KDM6A: variants seen among roughly 807,000 people sequenced by gnomAD.
KDM6A encodes the protein lysine-specific demethylase 6A.
KDM6A carries 11 observed loss-of-function variants against 117.6 expected under a neutral mutation model. The observed-to-expected ratio is 0.09, with a 90% confidence interval of 0.06 to 0.15. The LOEUF (loss-of-function observed/expected upper bound fraction) is 0.15, where lower values mean the gene tolerates loss of function less well. Among genes scored for constraint, KDM6A ranks in the 10% least tolerant of loss-of-function variants. The pLI, the probability that KDM6A is intolerant of heterozygous loss-of-function variation, is 1.00. For synonymous variants in KDM6A, 384 were observed against 396.1 expected (o/e 0.97, Z 0.36); for missense variants, 799 against 1,077.3 (o/e 0.74, Z 3.62).
At chrX:45,015,140 C>T (rs371535437) in intron 5 of KDM6A, among the ~76,000 whole-genome samples, 1 of 109,117 alleles carries the variant, frequency 9.2e-6, no homozygotes, top group African/African-American at 3.4e-5. Context: ...CTCAGTCTGT[C>T]ACCCAGGCTG....
intron 2 of KDM6A, among the ~76,000 whole-genome samples, chrX:44,919,371 G>C (rs2035759319): frequency 9.0e-6 from 1 of 110,773 alleles, no homozygotes; most frequent in South Asian, 3.8e-4. Context: ...AGGTGTATTA[G>C]ATGCTCCTCT....
intron 14 of KDM6A, 144 bp downstream of exon 14, chrX:45,060,908 C>T (rs1165750285): frequency 3.2e-6 from 1 of 316,760 alleles, no homozygotes; most frequent in Non-Finnish European, 5.3e-6. Flanking sequence ...CCATCCCAAA[C>T]CCTTAGTATC....
chrX:45,040,407 C>T (rs2043043215), intron 8 of KDM6A, among the ~76,000 whole-genome samples: 1 of 91,394 alleles, frequency 1.1e-5, no homozygotes, highest in Non-Finnish European at 2.2e-5. Flanking sequence ...GCTGATCCCC[C>T]CACCTCCCTC....
intron 2 of KDM6A, among the ~76,000 whole-genome samples, chrX:44,891,073 C>T (rs1468840893): frequency 9.2e-6 from 1 of 108,919 alleles, no homozygotes; most frequent in Non-Finnish European, 1.9e-5. Flanking sequence ...TTTATATTTT[C>T]TAGAGTGTAG....
rs1262196274 is a variant in KDM6A, at chrX:45,112,260, ATTG to A, written c.*852_*854del. On this transcript the variant is annotated 3_prime_UTR_variant, in exon 30 of 30. Coordinates refer to ENST00000611820, the MANE Select transcript of KDM6A (RefSeq NM_001291415.2). The stretch of plus-strand genomic sequence containing the variant: ...TTGTTTAATGTTTAAAGAGTTTTCT[ATTG>A]TTTGAGTTTTAAAAAAGACTTTATG... 1 of 144,099 alleles carries A rather than the reference ATTG, an allele frequency of 6.9e-6. No homozygotes were observed. Among genetic ancestry groups the A allele is most frequent in the African/African-American group, 3.1e-5 (1 of 31,975 alleles). 11.9% of individuals were successfully genotyped at this position (144,099 alleles called of 1,213,427 possible). A position where few individuals can be genotyped will look rare whatever the true frequency, so the allele number is the denominator to read the frequency against.
At chrX:44,921,453 G>A (rs770037185) in intron 2 of KDM6A, among the ~76,000 whole-genome samples, 1 of 111,483 alleles carries the variant, frequency 9.0e-6, no homozygotes, top group East Asian at 2.8e-4. Context: ...CTACAGTCAA[G>A]ATATTTAGCT....
intron 2 of KDM6A, among the ~76,000 whole-genome samples, chrX:44,887,881 G>A (rs896031387): frequency 9.0e-6 from 1 of 111,415 alleles, no homozygotes; most frequent in Non-Finnish European, 1.9e-5. Context: ...GGTGGCATTC[G>A]TTTGTAGTTC....
intron 27 of KDM6A, among the ~76,000 whole-genome samples, chrX:45,105,668 T>G (rs2046502046): frequency 8.9e-6 from 1 of 112,108 alleles, no homozygotes; most frequent in African/African-American, 3.2e-5. Flanking sequence ...CTTGCTACCT[T>G]CCCTGGTGCC....
intron 3 of KDM6A, among the ~76,000 whole-genome samples, chrX:44,971,249 G>A (rs1012544999): frequency 1.8e-5 from 2 of 111,855 alleles, no homozygotes; most frequent in African/African-American, 6.5e-5. Flanking sequence ...GGAAATGGGA[G>A]ATGGCTTAAA....
At chrX:45,086,682 G>A (rs1177124368) in intron 25 of KDM6A, among the ~76,000 whole-genome samples, 1 of 111,473 alleles carries the variant, frequency 9.0e-6, no homozygotes, top group African/African-American at 3.3e-5. Flanking sequence ...TCTGTGTCTT[G>A]TGTTAAAAAG....
chrX:45,051,811 T>G lies in KDM6A; in HGVS notation c.748+9T>G. ...TGTCTTACAACAGTTAGGTATGTAATAGTATACATTTAGTGTATTATAAGT... is the reference window on the plus strand; with the variant it reads ...TGTCTTACAACAGTTAGGTATGTAAGAGTATACATTTAGTGTATTATAAGT... On this transcript the variant is annotated intron_variant, in intron 9 of 29. Coordinates refer to ENST00000611820, the MANE Select transcript of KDM6A (RefSeq NM_001291415.2). 1 of 997,259 alleles carries G rather than the reference T, an allele frequency of 1.0e-6. No individual in the cohort carries two copies. The highest frequency in any genetic ancestry group is 1.4e-6 in the Non-Finnish European group (1 of 704,736). 82.2% of individuals were successfully genotyped at this position (997,259 alleles called of 1,213,427 possible). A position where few individuals can be genotyped will look rare whatever the true frequency, so the allele number is the denominator to read the frequency against.
intron 4 of KDM6A, among the ~76,000 whole-genome samples, chrX:44,986,896 G>C (rs1203242839): frequency 8.9e-6 from 1 of 111,741 alleles, no homozygotes; most frequent in Non-Finnish European, 1.9e-5. Flanking sequence ...TGTTGATTTG[G>C]GGTGGAGAGT....
At chrX:45,010,378 C>A (rs1326277420) in intron 4 of KDM6A, among the ~76,000 whole-genome samples, 4 of 110,402 alleles carry the variant, frequency 3.6e-5, no homozygotes, top group African/African-American at 1.3e-4. Context: ...ATATAAATAG[C>A]TGGATCCTAT....
chrX:45,014,172 G>A (rs750306875), intron 5 of KDM6A, among the ~76,000 whole-genome samples: 12 of 112,136 alleles, frequency 1.1e-4, no homozygotes, highest in African/African-American at 3.6e-4. Flanking sequence ...TTATGATAAT[G>A]TGTGTGACCA....
At chrX:44,918,541 CA>C (rs1397481540) in intron 2 of KDM6A, among the ~76,000 whole-genome samples, 4 of 111,408 alleles carry the variant, frequency 3.6e-5, no homozygotes, top group African/African-American at 1.3e-4. Context: ...AATGCTTTAT[CA>C]GGCATTTCTA....
At chrX:44,995,290 T>G (rs1389611337) in intron 4 of KDM6A, among the ~76,000 whole-genome samples, 1 of 110,662 alleles carries the variant, frequency 9.0e-6, no homozygotes, top group East Asian at 2.8e-4. Flanking sequence ...TTTTTCCTTT[T>G]GCGGCCAGCT....
At chrX:44,878,833 T>C (rs1210930785) in intron 2 of KDM6A, among the ~76,000 whole-genome samples, 2 of 110,696 alleles carry the variant, frequency 1.8e-5, no homozygotes, top group Admixed American at 9.7e-5. Context: ...GTGATTCTTA[T>C]GCCTCAGCCT....
chrX:44,921,389 C>T (rs748974901), intron 2 of KDM6A, among the ~76,000 whole-genome samples: 2 of 111,270 alleles, frequency 1.8e-5, no homozygotes, highest in East Asian at 2.8e-4. Context: ...CTTATTTGTG[C>T]GTGTTTGTAT....
chrX:44,906,698 G>A (rs957785328), intron 2 of KDM6A, among the ~76,000 whole-genome samples: 1 of 108,937 alleles, frequency 9.2e-6, no homozygotes, highest in Non-Finnish European at 1.9e-5. Flanking sequence ...GAGAGAGAGC[G>A]AGAGAGAGAG....
Sources: allele counts gnomAD v4.1 joint callset (sites outside exome capture counted in the v4.1 genomes callset), GRCh38; gene constraint gnomAD v4.1.1; transcripts MANE v1.5; gene names NCBI Gene and HGNC (gene_info 2026-07-23, HGNC 2026-07-21).